OSBPL10: variants seen among roughly 807,000 people sequenced by gnomAD.
The protein encoded by OSBPL10 is oxysterol-binding protein-related protein 10.
In OSBPL10, 49 loss-of-function variants were observed where a neutral mutation model predicts 81.7. That is an observed-to-expected ratio of 0.60 (90% CI 0.48 to 0.76). The LOEUF (loss-of-function observed/expected upper bound fraction) is 0.76. Ranked by LOEUF, OSBPL10 falls within the 30% of genes least tolerant of loss-of-function variation. OSBPL10 has a pLI of 0.00. For missense variants in OSBPL10, 923 were observed against 987.8 expected, an observed-to-expected ratio of 0.93 and a Z score of 0.88; for synonymous variants, 419 against 383.6, an observed-to-expected ratio of 1.09 and a Z score of -1.08.
chr3:31,868,070 AG>A (rs1244497041), intron 3 of OSBPL10, among the ~76,000 whole-genome samples: 1 of 151,756 alleles, frequency 6.6e-6, no homozygotes, highest in African/African-American at 2.4e-5. Context: ...AAAAAAAAAA[AG>A]ACGGGCAGGA....
intron 1 of OSBPL10, among the ~76,000 whole-genome samples, chr3:31,954,529 T>C (rs2125450791): frequency 6.6e-6 from 1 of 152,256 alleles, no homozygotes; most frequent in East Asian, 1.9e-4. Context: ...AGTAAGTATA[T>C]ATTGTGTGAT....
chr3:31,749,703 T>C (rs1329772002), intron 4 of OSBPL10, among the ~76,000 whole-genome samples: 1 of 151,982 alleles, frequency 6.6e-6, no homozygotes, highest in East Asian at 1.9e-4. Flanking sequence ...TAGTCCCAGC[T>C]ACTCAGGAGG....
Position 31,693,732 on chromosome 3 carries a change from A to G in OSBPL10, c.1245+8627T>C, listed in dbSNP as rs376616943. On this transcript the variant is annotated intron_variant, in intron 7 of 11. Transcript: ENST00000396556. The stretch of plus-strand genomic sequence containing the variant: ...TTGCAGTAGACACAATACGGTCTGC[A>G]AAGCCAAAAACACTTGTTATCTGGT... 2.0e-3 allele frequency among the ~76,000 whole-genome samples: 310 copies of G among 152,330 alleles called. 1 individual carries two copies. The highest frequency in any genetic ancestry group is 7.1e-3 in the African/African-American group (294 of 41,576).
intron 3 of OSBPL10, among the ~76,000 whole-genome samples, chr3:31,872,031 A>G (rs1192820226): frequency 6.6e-6 from 1 of 152,204 alleles, no homozygotes; most frequent in African/African-American, 2.4e-5. Flanking sequence ...ATAATGCACT[A>G]AAGGCCGAAT....
chr3:32,051,230 C>A (rs923506482), intron 1 of OSBPL10, among the ~76,000 whole-genome samples: 6 of 152,184 alleles, frequency 3.9e-5, no homozygotes, highest in Non-Finnish European at 8.8e-5. Flanking sequence ...ACCACAGACT[C>A]CATTTTGGGA....
At chr3:31,683,111 C>T (rs542905876) in intron 8 of OSBPL10, among the ~76,000 whole-genome samples, 8 of 152,290 alleles carry the variant, frequency 5.3e-5, no homozygotes, top group South Asian at 2.1e-4. Flanking sequence ...CAGCTATTTG[C>T]TAAAATAAGA....
intron 1 of OSBPL10, among the ~76,000 whole-genome samples, chr3:32,074,087 A>G (rs1428747428): frequency 1.3e-5 from 2 of 151,862 alleles, no homozygotes; most frequent in African/African-American, 4.8e-5. Flanking sequence ...CTGCTCTTAC[A>G]CAGCCATCCC....
intron 1 of OSBPL10, among the ~76,000 whole-genome samples, chr3:31,909,975 T>C: frequency 6.8e-6 from 1 of 146,292 alleles, no homozygotes; most frequent in Admixed American, 6.9e-5. Context: ...CATCCTTGTC[T>C]CCTGGCCTTT....
At chr3:32,032,160 T>C (rs976497665) in intron 2 of OSBPL10, among the ~76,000 whole-genome samples, 2 of 152,164 alleles carry the variant, frequency 1.3e-5, no homozygotes, top group African/African-American at 4.8e-5. Context: ...AGCTCATGCC[T>C]GTAATCCCAA....
At chr3:31,836,275 C>T (rs1700355739) in intron 3 of OSBPL10, among the ~76,000 whole-genome samples, 1 of 152,018 alleles carries the variant, frequency 6.6e-6, no homozygotes. Flanking sequence ...ATACCAATAC[C>T]CTCTCAAATG....
intron 2 of OSBPL10, chr3:32,045,949 ACTT>A (rs927604341): frequency 6.6e-6 from 1 of 152,234 alleles, no homozygotes; most frequent in African/African-American, 2.4e-5. Context: ...CTCTTTCCTG[ACTT>A]CTTAATACTG....
chr3:32,035,050 C>A (rs1291412214), intron 2 of OSBPL10, among the ~76,000 whole-genome samples: 1 of 152,130 alleles, frequency 6.6e-6, no homozygotes, highest in Non-Finnish European at 1.5e-5. Flanking sequence ...GCAGCAGTGT[C>A]TACACTCAGA....
intron 1 of OSBPL10, among the ~76,000 whole-genome samples, chr3:31,949,858 C>T (rs1697819908): frequency 6.6e-6 from 1 of 152,030 alleles, no homozygotes; most frequent in South Asian, 2.1e-4. Flanking sequence ...ACATTAAGAA[C>T]CTCCTGACCT....
chr3:31,778,185 C>T (rs1698593967), intron 4 of OSBPL10, among the ~76,000 whole-genome samples: 1 of 152,198 alleles, frequency 6.6e-6, no homozygotes, highest in South Asian at 2.1e-4. Flanking sequence ...AAACTCAGTG[C>T]TATTAGCAAG....
At chr3:31,732,217 A>T (rs543990625) in intron 6 of OSBPL10, among the ~76,000 whole-genome samples, 1 of 152,312 alleles carries the variant, frequency 6.6e-6, no homozygotes, top group East Asian at 1.9e-4. Flanking sequence ...CACAGCCACT[A>T]TTCACTTCAC....
chr3:31,912,121 C>T (rs572191972), intron 1 of OSBPL10, among the ~76,000 whole-genome samples: 13 of 151,864 alleles, frequency 8.6e-5, no homozygotes, highest in South Asian at 2.1e-4. Context: ...ATTGGCTGGG[C>T]GCAGTGGCTC....
chr3:32,049,245 C>A (rs1559555002), intron 1 of OSBPL10, among the ~76,000 whole-genome samples: 1 of 152,028 alleles, frequency 6.6e-6, no homozygotes, highest in Non-Finnish European at 1.5e-5. Flanking sequence ...TAGACTCACC[C>A]CAAATTCTTT....
At chr3:31,947,958 G>A (rs576710391) in intron 1 of OSBPL10, among the ~76,000 whole-genome samples, 39 of 152,250 alleles carry the variant, frequency 2.6e-4, no homozygotes, top group East Asian at 9.7e-4. Context: ...CAGGAAGCAG[G>A]GGATTGGGTT....
At chr3:32,035,095 G>C (rs1429900303) in intron 2 of OSBPL10, among the ~76,000 whole-genome samples, 2 of 152,100 alleles carry the variant, frequency 1.3e-5, no homozygotes, top group Non-Finnish European at 2.9e-5. Flanking sequence ...CCACACCAGA[G>C]AGAATGAGGA....
Sources: allele counts gnomAD v4.1 joint callset (sites outside exome capture counted in the v4.1 genomes callset), GRCh38; gene constraint gnomAD v4.1.1; transcripts MANE v1.5; gene names NCBI Gene and HGNC (gene_info 2026-07-23, HGNC 2026-07-21).